ZAN: variants seen among roughly 807,000 people sequenced by gnomAD.
ZAN encodes the protein zonadhesin, also known as zonadhesin (gene/pseudogene).
Under a neutral mutation model 286.2 loss-of-function variants are expected in ZAN, and 260 were observed. That is an observed-to-expected ratio of 0.91 (90% CI 0.82 to 1.01). The LOEUF is 1.01. ZAN is among the 50% of genes least tolerant of loss of function. The pLI, the probability that ZAN is intolerant of heterozygous loss-of-function variation, is 0.00. For synonymous variants in ZAN, 1,368 were observed against 1,417.5 expected, an observed-to-expected ratio of 0.97 and a Z score of 0.79; for missense variants, 3,410 against 3,639.2, an observed-to-expected ratio of 0.94 and a Z score of 1.62.
rs772722212 is a variant in ZAN, at chr7:100,751,217, C to A, written c.1557C>A (p.Ala519=). Residue 519 remains alanine (A), a synonymous_variant, in exon 13 of 48, where the codon GCC becomes GCA. Transcript: ENST00000613979. The part of the protein sequence containing the change: ...IFKGIQGSNT[A]SVVAMGFILI... Reference sequence around the variant, plus strand: ...AGGGCATCCAGGGAAGCAACACGGCCTCTGTGGTTGCTATGGGTTTCATCT... The same window carrying A: ...AGGGCATCCAGGGAAGCAACACGGCATCTGTGGTTGCTATGGGTTTCATCT... 6 of 1,610,020 alleles carry A rather than the reference C, an allele frequency of 3.7e-6. No individual in the cohort carries two copies. The highest frequency in any genetic ancestry group is 5.1e-6 in the Non-Finnish European group (6 of 1,178,410).
chr7:100,784,555 G>C, intron 35 of ZAN, 68 bp from the exon 36 acceptor site: 1 of 1,547,784 alleles, frequency 6.5e-7, no homozygotes, highest in Non-Finnish European at 8.8e-7. Context: ...AGCTTGGTTT[G>C]TACAGCCCCT....
chr7:100,744,284 T>G (rs1808021656), intron 7 of ZAN, among the ~76,000 whole-genome samples: 1 of 151,220 alleles, frequency 6.6e-6, no homozygotes, highest in Admixed American at 6.6e-5. Flanking sequence ...TGATCTTTCC[T>G]GCTGCCTAAA....
At chr7:100,771,388 C>G (rs1810354730) in intron 28 of ZAN, among the ~76,000 whole-genome samples, 1 of 151,950 alleles carries the variant, frequency 6.6e-6, no homozygotes, top group Non-Finnish European at 1.5e-5. Flanking sequence ...TGTACAGACA[C>G]AGTTTCACTG....
intron 19 of ZAN, 128 bp from the exon 20 acceptor site, chr7:100,762,087 T>C: frequency 8.4e-7 from 1 of 1,187,414 alleles, no homozygotes; most frequent in Non-Finnish European, 1.2e-6. Context: ...TCTTGTCCAG[T>C]CCGCACCTCT....
chr7:100,773,671 T>C, intron 30 of ZAN, 50 bp from the exon 31 acceptor site: 3 of 1,582,276 alleles, frequency 1.9e-6, no homozygotes, highest in Non-Finnish European at 2.6e-6. Context: ...CGTTGGCCCA[T>C]CTCCCAATTC....
At chr7:100,747,242 C>G (rs1428789583) in intron 8 of ZAN, among the ~76,000 whole-genome samples, 1 of 150,134 alleles carries the variant, frequency 6.7e-6, no homozygotes, top group Admixed American at 6.7e-5. Context: ...CAAAAATTAG[C>G]CAGGTGTGGT....
intron 7 of ZAN, among the ~76,000 whole-genome samples, chr7:100,745,150 C>G (rs528625727): frequency 6.6e-6 from 1 of 151,926 alleles, no homozygotes; most frequent in African/African-American, 2.4e-5. Context: ...TCCCAAAGTG[C>G]TGGGATTACA....
At position 100,734,081 on chromosome 7, in the gene ZAN, G is replaced by A; in HGVS notation, c.-88G>A. The A allele has an allele frequency of 1.2e-6, 1 of 854,000 alleles. No individual in the cohort carries two copies. Among genetic ancestry groups the A allele is most frequent in the Non-Finnish European group, 1.9e-6 (1 of 536,234 alleles). 52.9% of individuals were successfully genotyped at this position (854,000 alleles called of 1,614,324 possible). A position where few individuals can be genotyped will look rare whatever the true frequency, so the allele number is the denominator to read the frequency against. ...CATGGCATCCTTGGAAGGATGCCAAGCTAAGGAGGCCAGGGGGGAATAAAA... is the reference window on the plus strand; with the variant it reads ...CATGGCATCCTTGGAAGGATGCCAAACTAAGGAGGCCAGGGGGGAATAAAA... On this transcript the variant is annotated 5_prime_UTR_variant, in exon 2 of 48. Coordinates refer to ENST00000613979, the MANE Select transcript of ZAN (RefSeq NM_003386.3).
intron 25 of ZAN, among the ~76,000 whole-genome samples, chr7:100,767,467 GTT>G (rs35803818): frequency 3.5e-4 from 27 of 77,972 alleles, no homozygotes; most frequent in Admixed American, 5.7e-4. Flanking sequence ...GTTTTTTGCC[GTT>G]TTTTTTTTTT....
At chr7:100,784,602 C>G (rs746017682) in intron 35 of ZAN, 21 bp from the exon 36 acceptor site, 2 of 1,612,028 alleles carry the variant, frequency 1.2e-6, no homozygotes, top group Non-Finnish European at 1.7e-6. Context: ...TCCACTGACC[C>G]ACTGTCTCCT....
chr7:100,752,688 A>C lies in ZAN; in HGVS notation c.2583A>C (p.Thr861=), dbSNP rs568049178. The C allele has an allele frequency of 2.3e-5, 36 of 1,551,824 alleles. No individual in the cohort carries two copies. Among genetic ancestry groups the C allele is most frequent in the Non-Finnish European group, 2.9e-5 (33 of 1,137,396 alleles). ...CCACAGAAAAACCCACCATCCCCACAGAAAAACCCACCATCTCCCCAGAAA... is the reference window on the plus strand; with the variant it reads ...CCACAGAAAAACCCACCATCCCCACCGAAAAACCCACCATCTCCCCAGAAA... ...TISTEKPTIP[T]EKPTISPEKL... The change falls in exon 14 of 48, where the codon ACA becomes ACC. Residue 861 remains threonine (T), a synonymous_variant. Transcript: ENST00000613979.
rs1811431102 is a variant in ZAN at position 100,784,532 on chromosome 7, G to T, written c.6623-91G>T. On this transcript the variant is annotated intron_variant, in intron 35 of 47. Coordinates refer to ENST00000613979, the MANE Select transcript of ZAN (RefSeq NM_003386.3). ...AAAAAAAGCTCCCCAAGCCTTGTTG[G>T]TCATCCACCCATAGCTTGGTTTGTA... 9.9e-6 allele frequency: 13 copies of T among 1,310,072 alleles called. No individual in the cohort carries two copies. The East Asian group carries it at 2.6e-4, about 26-fold the overall frequency. The allele number at this position is 1,310,072 out of a possible 1,614,324, so 81.2% of individuals were successfully genotyped here.
chr7:100,777,902 G>T (rs1315641065), intron 34 of ZAN, among the ~76,000 whole-genome samples: 3 of 152,012 alleles, frequency 2.0e-5, no homozygotes, highest in African/African-American at 7.2e-5. Flanking sequence ...GTGATTTGAG[G>T]GCGATGACTT....
Position 100,755,211 on chromosome 7 carries a change from C to T in ZAN, c.3125-15C>T. ...CCATGGAATGAAAGCATGACAGAGG[C>T]TGTTTTCCCCTTAGAGCGCTGCCCT... On this transcript the variant is annotated splice_polypyrimidine_tract_variant and intron_variant, in intron 14 of 47. Coordinates refer to ENST00000613979, the MANE Select transcript of ZAN (RefSeq NM_003386.3). The T allele has an allele frequency of 6.2e-7, 1 of 1,600,490 alleles. No individual in the cohort carries two copies. Among genetic ancestry groups the T allele is most frequent in the Non-Finnish European group, 8.5e-7 (1 of 1,171,932 alleles).
At chr7:100,750,924 T>C in intron 12 of ZAN, 28 bp downstream of exon 12, 1 of 1,521,326 alleles carries the variant, frequency 6.6e-7, no homozygotes, top group Non-Finnish European at 8.8e-7. Flanking sequence ...GGGTCCTGTC[T>C]GTGTGAGGTG....
chr7:100,755,493 G>A, intron 15 of ZAN, 83 bp downstream of exon 15: 1 of 1,510,076 alleles, frequency 6.6e-7, no homozygotes. Context: ...CTCCCCATGT[G>A]AAGGCAACAG....
In ZAN at chr7:100,795,288, G is replaced by C. The variant is rs775080244; in HGVS notation, c.8218G>C (p.Gly2740Arg). Reference protein sequence around the residue: ...FTCECEVGYGGGLCMEPRDAP... With the variant: ...FTCECEVGYGRGLCMEPRDAP... ...CTGCGAGTGTGAAGTTGGTTACGGG[G>C]GAGGCCTGTGTATGGAGCCTCGAGA... Residue 2740 changes from glycine (G) to arginine (R), a missense_variant, in exon 45 of 48, where the codon GGA (glycine) becomes CGA (arginine). Gly to Arg is a moderately radical substitution (Grantham distance 125). Transcript: ENST00000613979. 1.2e-6 allele frequency: 2 copies of C among 1,611,120 alleles called. No individual in the cohort carries two copies. The highest frequency in any genetic ancestry group is 8.5e-7 in the Non-Finnish European group (1 of 1,178,626).
At chr7:100,733,960 C>A in intron 1 of ZAN, 67 bp from the exon 2 acceptor site, 1 of 398,910 alleles carries the variant, frequency 2.5e-6, no homozygotes. Flanking sequence ...GTTTATTTCC[C>A]TCGATTTCAA....
chr7:100,770,648 G>A (rs930851747), intron 28 of ZAN, among the ~76,000 whole-genome samples: 4 of 150,932 alleles, frequency 2.7e-5, no homozygotes, highest in African/African-American at 9.7e-5. Flanking sequence ...ACGCCTGGCC[G>A]TTTTTTCTTT....
Sources: allele counts gnomAD v4.1 joint callset (sites outside exome capture counted in the v4.1 genomes callset), GRCh38; gene constraint gnomAD v4.1.1; transcripts MANE v1.5; gene names NCBI Gene and HGNC (gene_info 2026-07-23, HGNC 2026-07-21).